The following DSCAM variants were observed in gnomAD, a reference collection of about 807,000 sequenced individuals.
DSCAM encodes DS cell adhesion molecule.
In DSCAM, 47 loss-of-function variants were observed where a neutral mutation model predicts 217.7. The observed-to-expected ratio is 0.22, with a 90% CI of 0.17 to 0.28. The LOEUF is 0.28. Among genes scored for constraint, DSCAM ranks in the 10% least tolerant of loss-of-function variants. The probability of loss-of-function intolerance (pLI) is 1.00; values close to 1 mark genes in which losing one functional copy is unlikely to be tolerated. For missense variants in DSCAM, 2,080 were observed against 2,618.3 expected, an observed-to-expected ratio of 0.79 and a Z score of 4.49; for synonymous variants, 1,056 against 1,015.3, an observed-to-expected ratio of 1.04 and a Z score of -0.76.
intron 11 of DSCAM, among the ~76,000 whole-genome samples, chr21:40,201,380 T>C (rs894532138): frequency 1.3e-5 from 2 of 151,884 alleles, no homozygotes; most frequent in African/African-American, 2.4e-5. Context: ...TTTCTTTCTT[T>C]TTTTTTTTCC....
At chr21:40,754,223 C>T (rs2091254271) in intron 1 of DSCAM, among the ~76,000 whole-genome samples, 1 of 152,208 alleles carries the variant, frequency 6.6e-6, no homozygotes, top group Admixed American at 6.5e-5. Context: ...TGCTCTTGTT[C>T]TCCCATGCCC....
intron 20 of DSCAM, among the ~76,000 whole-genome samples, chr21:40,100,455 A>T (rs959952090): frequency 2.0e-5 from 3 of 152,160 alleles, no homozygotes; most frequent in Non-Finnish European, 4.4e-5. Flanking sequence ...TTTATTGGAT[A>T]CCAGATTTTC....
chr21:40,127,821 C>T (rs1485706516), intron 19 of DSCAM, among the ~76,000 whole-genome samples: 1 of 152,162 alleles, frequency 6.6e-6, no homozygotes, highest in African/African-American at 2.4e-5. Flanking sequence ...GACAGGTCAG[C>T]AGTTGGGCTC....
chr21:40,701,832 T>C (rs1259052237), intron 2 of DSCAM, among the ~76,000 whole-genome samples: 4 of 152,182 alleles, frequency 2.6e-5, no homozygotes, highest in Non-Finnish European at 5.9e-5. Flanking sequence ...CTGAGATTTG[T>C]TTTGTTGCTC....
intron 3 of DSCAM, among the ~76,000 whole-genome samples, chr21:40,567,475 A>C (rs1290199577): frequency 6.6e-6 from 1 of 152,284 alleles, no homozygotes; most frequent in Non-Finnish European, 1.5e-5. Context: ...TCCAAGTGAA[A>C]TAAGGCTCAA....
At chr21:40,104,322 A>G (rs541415918) in intron 20 of DSCAM, among the ~76,000 whole-genome samples, 1 of 152,324 alleles carries the variant, frequency 6.6e-6, no homozygotes, top group African/African-American at 2.4e-5. Flanking sequence ...TAAAAATAAT[A>G]TATGCAGAAT....
At chr21:40,756,363 T>C (rs1346564113) in intron 1 of DSCAM, among the ~76,000 whole-genome samples, 1 of 152,194 alleles carries the variant, frequency 6.6e-6, no homozygotes, top group Non-Finnish European at 1.5e-5. Context: ...AGTGAGCCAA[T>C]TAAACCTCTT....
At chr21:40,129,900 G>T (rs1468584855) in intron 19 of DSCAM, among the ~76,000 whole-genome samples, 4 of 152,162 alleles carry the variant, frequency 2.6e-5, no homozygotes, top group African/African-American at 4.8e-5. Flanking sequence ...AAGATTCAGA[G>T]GTATCCAGAT....
At chr21:40,395,540 T>A (rs2123763335) in intron 3 of DSCAM, among the ~76,000 whole-genome samples, 1 of 152,316 alleles carries the variant, frequency 6.6e-6, no homozygotes, top group Admixed American at 6.5e-5. Context: ...GAGATTTGGG[T>A]GTAGATTCCA....
At chr21:40,762,175 GGTT>G (rs2091342478) in intron 1 of DSCAM, among the ~76,000 whole-genome samples, 1 of 152,082 alleles carries the variant, frequency 6.6e-6, no homozygotes, top group Middle Eastern at 3.4e-3. Flanking sequence ...TCCAGGAGCT[GGTT>G]TTTTGAAAAG....
At chr21:40,287,931 A>G (rs1304544971) in intron 10 of DSCAM, among the ~76,000 whole-genome samples, 1 of 152,194 alleles carries the variant, frequency 6.6e-6, no homozygotes, top group Non-Finnish European at 1.5e-5. Context: ...GGAAACTACA[A>G]TGAGCAGAAA....
intron 3 of DSCAM, among the ~76,000 whole-genome samples, chr21:40,606,900 T>C (rs1364277970): frequency 2.0e-5 from 3 of 152,212 alleles, no homozygotes; most frequent in African/African-American, 7.2e-5. Flanking sequence ...CAAGATCTTA[T>C]GGTTTTATAA....
chr21:40,621,059 T>G (rs982866638), intron 3 of DSCAM, among the ~76,000 whole-genome samples: 5 of 152,154 alleles, frequency 3.3e-5, no homozygotes, highest in South Asian at 2.1e-4. Flanking sequence ...ACAACAGTGG[T>G]TACTAAAGTT....
At chr21:40,028,489 G>GCAAT (rs1354242018) in intron 32 of DSCAM, among the ~76,000 whole-genome samples, 1 of 151,872 alleles carries the variant, frequency 6.6e-6, no homozygotes, top group Non-Finnish European at 1.5e-5. Flanking sequence ...TGCTCTGCTA[G>GCAAT]CAATCAGCGA....
At chr21:40,245,219 TG>T (rs548531926) in intron 11 of DSCAM, among the ~76,000 whole-genome samples, 35 of 152,270 alleles carry the variant, frequency 2.3e-4, no homozygotes, top group African/African-American at 7.5e-4. Flanking sequence ...GTGATTAAGG[TG>T]CAAGTCCTTA....
chr21:40,303,857 A>C (rs189572986), intron 9 of DSCAM, among the ~76,000 whole-genome samples: 9 of 152,288 alleles, frequency 5.9e-5, no homozygotes. Flanking sequence ...AAAAGCCAGA[A>C]ACCATTGACC....
intron 11 of DSCAM, among the ~76,000 whole-genome samples, chr21:40,227,674 T>C (rs1040537061): frequency 3.3e-5 from 5 of 152,314 alleles, no homozygotes; most frequent in Middle Eastern, 3.4e-3. Context: ...TATTTGGTTT[T>C]TCAAAGTAAT....
rs1179790042 is a variant in DSCAM, at chr21:40,476,709, G to A, written c.509-107464C>T. On this transcript the variant is annotated intron_variant, in intron 3 of 32. Transcript: ENST00000400454. ...CTAACCATTGGTTAGGTGGTGGGCA[G>A]GGCAGGTCATAGGGAAAGCTTTGAT... 2.0e-5 allele frequency among the ~76,000 whole-genome samples: 3 copies of A among 152,100 alleles called. No homozygotes were observed. The East Asian group carries it at 5.8e-4, about 29-fold the overall frequency.
At chr21:40,420,927 T>C (rs2075417975) in intron 3 of DSCAM, among the ~76,000 whole-genome samples, 1 of 152,124 alleles carries the variant, frequency 6.6e-6, no homozygotes, top group Non-Finnish European at 1.5e-5. Context: ...AACTGGGAGA[T>C]GATGCATTTC....
Sources: gnomAD v4.1 joint callset for allele counts (sites outside exome capture counted in the v4.1 genomes callset) on GRCh38, gnomAD v4.1.1 for gene constraint, MANE v1.5 for transcripts, NCBI Gene and HGNC (gene_info 2026-07-23, HGNC 2026-07-21) for gene names.